ATP9A: variants seen among roughly 807,000 people sequenced by gnomAD.
ATP9A encodes ATPase phospholipid transporting 9A, also known as probable phospholipid-transporting ATPase IIA.
In ATP9A, 52 loss-of-function variants were observed where a neutral mutation model predicts 144.1. That is an observed-to-expected ratio of 0.36 (90% confidence interval 0.29 to 0.45). The LOEUF (loss-of-function observed/expected upper bound fraction) is 0.45, where lower values mean the gene tolerates loss of function less well. Among genes scored for constraint, ATP9A ranks in the 20% least tolerant of loss-of-function variants. The pLI, the probability that ATP9A is intolerant of heterozygous loss-of-function variation, is 1.00. For synonymous variants in ATP9A, 582 were observed against 557.4 expected (o/e 1.04, Z -0.62); for missense variants, 947 against 1,392.7 (o/e 0.68, Z 5.09).
At chr20:51,624,055 C>T (rs1203947915) in intron 18 of ATP9A, among the ~76,000 whole-genome samples, 1 of 152,176 alleles carries the variant, frequency 6.6e-6, no homozygotes. Context: ...TTAGGAATGG[C>T]CAGGGCCCCA....
intron 1 of ATP9A, among the ~76,000 whole-genome samples, chr20:51,762,962 C>T (rs1200264322): frequency 1.3e-5 from 2 of 152,010 alleles, no homozygotes; most frequent in Non-Finnish European, 2.9e-5. Flanking sequence ...TCAAGCAATC[C>T]TCCTGCCTGG....
chr20:51,610,283 C>T, intron 23 of ATP9A, 118 bp from the exon 24 acceptor site: 2 of 732,720 alleles, frequency 2.7e-6, no homozygotes, highest in Non-Finnish European at 2.3e-6. Context: ...CTGTAAGGTA[C>T]TTTACATGGA....
chr20:51,651,334 A>G (rs1311386299), intron 14 of ATP9A, among the ~76,000 whole-genome samples: 2 of 141,498 alleles, frequency 1.4e-5, no homozygotes, highest in Non-Finnish European at 3.1e-5. Flanking sequence ...ATATATTTAC[A>G]TAATATATTA....
intron 4 of ATP9A, among the ~76,000 whole-genome samples, chr20:51,709,290 C>T (rs751527488): frequency 2.6e-5 from 4 of 151,998 alleles, no homozygotes; most frequent in Non-Finnish European, 5.9e-5. Flanking sequence ...TGAGGTGGGC[C>T]AACTGCCTGA....
At chr20:51,750,832 G>C (rs1404961821) in intron 1 of ATP9A, among the ~76,000 whole-genome samples, 1 of 152,120 alleles carries the variant, frequency 6.6e-6, no homozygotes, top group Non-Finnish European at 1.5e-5. Context: ...TGGCAACCTA[G>C]GGAGGAATCC....
intron 13 of ATP9A, among the ~76,000 whole-genome samples, chr20:51,662,452 G>A (rs2077414676): frequency 1.3e-5 from 2 of 151,758 alleles, no homozygotes; most frequent in African/African-American, 4.8e-5. Context: ...GGCTGAGGCA[G>A]GAGAATTGCT....
intron 7 of ATP9A, among the ~76,000 whole-genome samples, chr20:51,692,294 A>T (rs779621879): frequency 6.6e-6 from 1 of 152,230 alleles, no homozygotes; most frequent in Non-Finnish European, 1.5e-5. Context: ...AGCAAACAAG[A>T]AGTCAACCTT....
At chr20:51,635,607 T>C (rs2077287467) in intron 15 of ATP9A, among the ~76,000 whole-genome samples, 1 of 151,386 alleles carries the variant, frequency 6.6e-6, no homozygotes, top group Non-Finnish European at 1.5e-5. Context: ...CATGGTGGTG[T>C]GCACCTGTAG....
At chr20:51,617,621 T>C (rs2077208690) in intron 21 of ATP9A, 67 bp from the exon 22 acceptor site, 1 of 1,546,164 alleles carries the variant, frequency 6.5e-7, no homozygotes. Context: ...TGTATGCTTG[T>C]CTTTACCGCA....
Position 51,689,073 on chromosome 20 carries a change from C to T in ATP9A, c.790G>A (p.Val264Ile). The T allele has an allele frequency of 6.2e-7, 1 of 1,614,130 alleles. No individual in the cohort carries two copies. The highest frequency in any genetic ancestry group is 8.5e-7 in the Non-Finnish European group (1 of 1,180,022). The change falls in exon 9 of 28, where the codon GTC becomes ATC. Residue 264 changes from valine (V) to isoleucine (I), a missense_variant. By Grantham distance (29) the Val-to-Ile change is conservative (BLOSUM62 3). Around this residue, in one of 2 missense-constraint regions of ATP9A, gnomAD observed 770 missense variants for 1,047.9 expected, o/e 0.73. Transcript: ENST00000338821. ...CAAAACGGCGCCTCACCTGATGCGA[C>T]CACAGTGCCAGCCCACAGCGTGTTC... is the stretch of plus-strand genomic sequence containing the variant. ...IENTLWAGTV[V>I]ASGTVVGVVL...
In ATP9A at chr20:51,676,247, T is replaced by C. The variant is rs752477233; in HGVS notation, c.800-39A>G. ...AAGAAAAAAAAAAAAAGAAAAGAAA[T>C]ATTAATACAGACAGGCAGGCTTGCA... On this transcript the variant is annotated intron_variant, in intron 9 of 27. Coordinates refer to ENST00000338821, the MANE Select transcript of ATP9A (RefSeq NM_006045.3). 4 of 1,459,716 alleles carry C rather than the reference T, an allele frequency of 2.7e-6. No individual in the cohort carries two copies. The East Asian group carries it at 7.2e-5, about 26-fold the overall frequency. 90.4% of individuals were successfully genotyped at this position (1,459,716 alleles called of 1,614,324 possible). A position where few individuals can be genotyped will look rare whatever the true frequency, so the allele number is the denominator to read the frequency against.
At chr20:51,616,629 A>G (rs1380056849) in intron 22 of ATP9A, among the ~76,000 whole-genome samples, 2 of 152,056 alleles carry the variant, frequency 1.3e-5, no homozygotes, top group Non-Finnish European at 1.5e-5. Flanking sequence ...CTTCACACAC[A>G]GTCCTAACAA....
intron 4 of ATP9A, among the ~76,000 whole-genome samples, chr20:51,702,401 T>TGC (rs1555838520): frequency 6.7e-6 from 1 of 150,222 alleles, no homozygotes; most frequent in Non-Finnish European, 1.5e-5. Context: ...TGTGTGTGTG[T>TGC]GTGCATGTAA....
chr20:51,737,322 C>G (rs951632520), intron 1 of ATP9A, among the ~76,000 whole-genome samples: 1 of 152,206 alleles, frequency 6.6e-6, no homozygotes, highest in Non-Finnish European at 1.5e-5. Flanking sequence ...CGTACCCATT[C>G]ACCTTTGAGC....
Position 51,729,846 on chromosome 20 carries a change from G to A in ATP9A, c.201C>T (p.Thr67=). The change falls in exon 2 of 28, where the codon ACC becomes ACT. Residue 67 remains threonine (T), a synonymous_variant. Transcript: ENST00000338821. ...VINNQKYNFF[T]FLPGVLFNQF... ...TGCCTGCACGTACCCCAGGAAGAAA[G>A]GTGAAGAAATTGTACTTCTGATTGT... The A allele has an allele frequency of 6.3e-7, 1 of 1,586,570 alleles. No homozygotes were observed. The highest frequency in any genetic ancestry group is 8.5e-7 in the Non-Finnish European group (1 of 1,170,932).
chr20:51,633,193 TA>T (rs1332170971), intron 15 of ATP9A, among the ~76,000 whole-genome samples: 1 of 152,112 alleles, frequency 6.6e-6, no homozygotes, highest in African/African-American at 2.4e-5. Context: ...AAAAATAAGT[TA>T]ATGAATGAAA....
intron 4 of ATP9A, among the ~76,000 whole-genome samples, chr20:51,700,992 G>T (rs1205693): frequency 0.33 from 49,917 of 151,538 alleles, 8,584 homozygotes; most frequent in East Asian, 0.58. Flanking sequence ...AGCTCAGGAA[G>T]GTATTACTTG....
At chr20:51,613,630 T>A in intron 23 of ATP9A, 47 bp downstream of exon 23, 1 of 1,552,510 alleles carries the variant, frequency 6.4e-7, no homozygotes, top group Non-Finnish European at 8.7e-7. Context: ...CCCACCTACA[T>A]GGTATAGCCA....
chr20:51,613,046 G>A lies in ATP9A; in HGVS notation c.2571+631C>T, dbSNP rs758007980. On this transcript the variant is annotated intron_variant, in intron 23 of 27. Coordinates refer to ENST00000338821, the MANE Select transcript of ATP9A (RefSeq NM_006045.3). ...CTGCCTGAGCTGACTGAATCCCTGC[G>A]GGACACCACAAATTTCTCATCCATA... Among the ~76,000 whole-genome samples the A allele has an allele frequency of 5.9e-5, 9 of 152,172 alleles. No individual in the cohort carries two copies. In the East Asian group the frequency reaches 7.7e-4, roughly 13 times the overall value.
Sources: allele counts gnomAD v4.1 joint callset (sites outside exome capture counted in the v4.1 genomes callset), GRCh38; gene constraint gnomAD v4.1.1; regional missense constraint gnomAD v4.1.1; transcripts MANE v1.5; gene names NCBI Gene and HGNC (gene_info 2026-07-23, HGNC 2026-07-21).